The following PPP2R2C variants were observed in gnomAD, a reference collection of about 807,000 sequenced individuals.
The protein encoded by PPP2R2C is protein phosphatase 2 regulatory subunit Bgamma, also known as protein phosphatase 2, regulatory subunit B, gamma.
PPP2R2C carries 10 observed loss-of-function variants against 45.3 expected under a neutral mutation model. That is an observed-to-expected ratio of 0.22 (90% CI 0.14 to 0.37). The LOEUF is 0.37. PPP2R2C is among the 10% of genes least tolerant of loss of function. The probability of loss-of-function intolerance (pLI) is 1.00; values close to 1 mark genes in which losing one functional copy is unlikely to be tolerated. For synonymous variants in PPP2R2C, 257 were observed against 245.4 expected (o/e 1.05, Z -0.44); for missense variants, 308 against 619.7 (o/e 0.50, Z 5.34).
intron 2 of PPP2R2C, among the ~76,000 whole-genome samples, chr4:6,525,110 CA>C (rs990503972): frequency 6.7e-6 from 1 of 149,844 alleles, no homozygotes; most frequent in Admixed American, 6.6e-5. Flanking sequence ...ACAAAATAAA[CA>C]ATAAAAATAA....
chr4:6,376,710 T>A (rs1715333302), intron 3 of PPP2R2C, among the ~76,000 whole-genome samples: 2 of 152,156 alleles, frequency 1.3e-5, no homozygotes, highest in African/African-American at 4.8e-5. Context: ...CATCTCAGCC[T>A]CCCAAAGTGC....
chr4:6,450,248 G>A (rs1720667756), intron 1 of PPP2R2C, among the ~76,000 whole-genome samples: 1 of 152,014 alleles, frequency 6.6e-6, no homozygotes, highest in Non-Finnish European at 1.5e-5. Flanking sequence ...AGCACCAACT[G>A]CAGGTGGTGG....
At chr4:6,387,021 G>T (rs1285163083) in intron 1 of PPP2R2C, among the ~76,000 whole-genome samples, 2 of 152,048 alleles carry the variant, frequency 1.3e-5, no homozygotes, top group African/African-American at 4.8e-5. Flanking sequence ...TGAACTTGAA[G>T]ATGATTTCAA....
intron 1 of PPP2R2C, among the ~76,000 whole-genome samples, chr4:6,461,412 T>C (rs904328813): frequency 6.6e-6 from 1 of 152,178 alleles, no homozygotes; most frequent in African/African-American, 2.4e-5. Flanking sequence ...GGGACTACAT[T>C]TCCTAGAGCC....
At chr4:6,493,437 G>A (rs1056234958) in intron 2 of PPP2R2C, among the ~76,000 whole-genome samples, 5 of 151,718 alleles carry the variant, frequency 3.3e-5, no homozygotes, top group Admixed American at 2.6e-4. Context: ...CCACACAGGA[G>A]GTAGCAGCAC....
intron 5 of PPP2R2C, among the ~76,000 whole-genome samples, chr4:6,352,396 G>A (rs1011035627): frequency 2.0e-5 from 3 of 152,186 alleles, no homozygotes; most frequent in Non-Finnish European, 4.4e-5. Flanking sequence ...CCTAAATCCT[G>A]CTTGAAAAAC....
In PPP2R2C at chr4:6,333,672, C is replaced by A; in HGVS notation, c.850G>T (p.Val284Leu). 6.2e-7 allele frequency: 1 copy of A among 1,614,106 alleles called. No individual in the cohort carries two copies. The highest frequency in any genetic ancestry group is 1.7e-5 in the Admixed American group (1 of 60,022). ...CTGTGGCTGAACTTCACGTCGGACA[C>A]GGAGGAGATGATTTCCGAGAAGAAT... is the stretch of plus-strand genomic sequence containing the variant. ...RSFFSEIISS[V>L]SDVKFSHSGR... The change falls in exon 7 of 9, where the codon GTG (valine) becomes TTG (leucine). Residue 284 changes from valine (V) to leucine (L), a missense_variant. Val to Leu is a conservative substitution (Grantham distance 32). Coordinates refer to ENST00000382599, the MANE Select transcript of PPP2R2C (RefSeq NM_020416.4).
At chr4:6,511,764 GAT>G (rs1723545801) in intron 2 of PPP2R2C, among the ~76,000 whole-genome samples, 1 of 84,376 alleles carries the variant, frequency 1.2e-5, no homozygotes, top group East Asian at 3.1e-4. Context: ...TGGTGGTGGT[GAT>G]GGTGATGGTG....
intron 1 of PPP2R2C, among the ~76,000 whole-genome samples, chr4:6,441,914 T>G (rs1480275764): frequency 6.6e-6 from 1 of 152,162 alleles, no homozygotes; most frequent in African/African-American, 2.4e-5. Context: ...ATGGCAGCTG[T>G]TCACCACCGG....
At chr4:6,341,924 T>C (rs962887466) in intron 6 of PPP2R2C, among the ~76,000 whole-genome samples, 2 of 152,144 alleles carry the variant, frequency 1.3e-5, no homozygotes, top group Non-Finnish European at 2.9e-5. Flanking sequence ...TGTGTTGTTT[T>C]GAGCCACTAA....
intron 1 of PPP2R2C, among the ~76,000 whole-genome samples, chr4:6,398,043 G>C (rs367861193): frequency 3.9e-5 from 6 of 152,200 alleles, no homozygotes; most frequent in African/African-American, 1.4e-4. Flanking sequence ...GTGATTCCAC[G>C]AGGAAAGCAC....
intron 5 of PPP2R2C, chr4:6,350,548 C>G (rs559939125): frequency 1.0e-6 from 1 of 985,360 alleles, no homozygotes; most frequent in East Asian, 1.1e-4. Flanking sequence ...CATCAGGACA[C>G]TCATTCTCGT....
At chr4:6,489,860 G>C (rs11946417) in intron 2 of PPP2R2C, among the ~76,000 whole-genome samples, 3 of 152,012 alleles carry the variant, frequency 2.0e-5, no homozygotes, top group African/African-American at 7.3e-5. Context: ...CACTATTTTC[G>C]AACTTAATAC....
intron 1 of PPP2R2C, among the ~76,000 whole-genome samples, chr4:6,437,412 T>A (rs1719944398): frequency 1.3e-5 from 2 of 152,218 alleles, no homozygotes; most frequent in African/African-American, 4.8e-5. Flanking sequence ...TTTGTAGTTG[T>A]CTGATTCAAC....
chr4:6,383,237 C>G, intron 1 of PPP2R2C: 1 of 1,193,162 alleles, frequency 8.4e-7, no homozygotes, highest in Non-Finnish European at 1.1e-6. Context: ...GCAGAAGAAC[C>G]CCCCCAACCC....
intron 1 of PPP2R2C, chr4:6,381,857 C>A (rs781448588): frequency 6.2e-7 from 1 of 1,612,836 alleles, no homozygotes; most frequent in Non-Finnish European, 8.5e-7. Flanking sequence ...CTCCAGGCCC[C>A]ACTTTTTGCA....
At chr4:6,499,362 C>A (rs1560586867) in intron 2 of PPP2R2C, among the ~76,000 whole-genome samples, 1 of 152,180 alleles carries the variant, frequency 6.6e-6, no homozygotes, top group Admixed American at 6.5e-5. Context: ...TTCAGCCTCA[C>A]CCCACCCCAT....
chr4:6,388,676 C>A (rs1716395067), intron 1 of PPP2R2C, among the ~76,000 whole-genome samples: 1 of 152,050 alleles, frequency 6.6e-6, no homozygotes, highest in African/African-American at 2.4e-5. Context: ...CCGAGCCGGG[C>A]CTCCCAATGC....
upstream of PPP2R2C, among the ~76,000 whole-genome samples, chr4:6,475,378 A>T (rs1722107559): frequency 6.6e-6 from 1 of 152,172 alleles, no homozygotes; most frequent in Non-Finnish European, 1.5e-5. Flanking sequence ...TCCACATTCA[A>T]AAGCTATCCT....
Sources: allele counts gnomAD v4.1 joint callset (sites outside exome capture counted in the v4.1 genomes callset), GRCh38; gene constraint gnomAD v4.1.1; transcripts MANE v1.5; gene names NCBI Gene and HGNC (gene_info 2026-07-23, HGNC 2026-07-21).